Variants in TRIM16 observed in about 807,000 individuals in gnomAD.
TRIM16 encodes the protein tripartite motif containing 16, also known as tripartite motif-containing protein 16.
Under a neutral mutation model 50.4 loss-of-function variants are expected in TRIM16, and 33 were observed. The ratio of observed to expected loss-of-function variants is 0.65; its 90% CI spans 0.50 to 0.88. The LOEUF (loss-of-function observed/expected upper bound fraction) is 0.88, where lower values mean the gene tolerates loss of function less well. Ranked by LOEUF, TRIM16 falls within the 40% of genes least tolerant of loss-of-function variation. The probability of loss-of-function intolerance (pLI) is 0.00; values close to 1 mark genes in which losing one functional copy is unlikely to be tolerated. For missense variants in TRIM16, 581 were observed against 686.8 expected (o/e 0.85, Z 1.72); for synonymous variants, 229 against 270.7 (o/e 0.85, Z 1.51).
At chr17:15,632,422 C>T in intron 10 of TRIM16, 87 bp downstream of exon 10, 1 of 1,432,832 alleles carries the variant, frequency 7.0e-7, no homozygotes, top group East Asian at 2.4e-5. Flanking sequence ...CTGATTTCAT[C>T]CTCCCTTCCC....
In TRIM16 at chr17:15,628,731, A is replaced by T. The variant is rs752285994; in HGVS notation, c.1579T>A (p.Ser527Thr). 1 of 1,614,164 alleles carries T rather than the reference A, an allele frequency of 6.2e-7. No individual in the cohort carries two copies. The highest frequency in any genetic ancestry group is 8.5e-7 in the Non-Finnish European group (1 of 1,180,022). Residue 527 changes from serine to threonine, a missense_variant, in exon 12 of 12, where the codon TCA becomes ACA. Physicochemically the swap from Ser to Thr is moderately conservative, Grantham distance 58 (BLOSUM62 1). This residue lies in a region of TRIM16 where 115 missense variants were observed against 106.7 expected (regional missense o/e 1.08). Coordinates refer to ENST00000649191, the MANE Select transcript of TRIM16 (RefSeq NM_001348119.1). ...CAGAAGGCAGCATAGACTGGTTCTG[A>T]AAATTTGCAGGCAAACTTGTGAACC... ...TLVHKFACKF[S>T]EPVYAAFWLS...
chr17:15,681,800 C>A (rs1200900930), intron 3 of TRIM16, among the ~76,000 whole-genome samples: 27 of 152,244 alleles, frequency 1.8e-4, no homozygotes, highest in Non-Finnish European at 1.6e-4. Flanking sequence ...TTTATTATTT[C>A]TTCAATCCTC....
At chr17:15,663,278 G>A (rs985550297) in intron 6 of TRIM16, among the ~76,000 whole-genome samples, 2 of 152,210 alleles carry the variant, frequency 1.3e-5, no homozygotes, top group Admixed American at 6.5e-5. Flanking sequence ...ACTCAGGATC[G>A]CTTCATTCAT....
intron 6 of TRIM16, among the ~76,000 whole-genome samples, chr17:15,660,121 C>T (rs906286217): frequency 2.6e-5 from 4 of 152,292 alleles, no homozygotes; most frequent in Admixed American, 2.0e-4. Flanking sequence ...AAAACCATCC[C>T]CTCCACCCTT....
rs774931098 is a variant in TRIM16, at chr17:15,636,276, G to A, written c.616-7C>T. On this transcript the variant is annotated splice_region_variant and splice_polypyrimidine_tract_variant and intron_variant, in intron 8 of 11. Coordinates refer to ENST00000649191, the MANE Select transcript of TRIM16 (RefSeq NM_001348119.1). ...TGACCTCTGACACCGACACCTGGCA[G>A]GGGGTGGGGGTGGAAGGCAGCCAAA... The A allele has an allele frequency of 1.2e-5, 20 of 1,608,110 alleles. 1 individual carries two copies. The highest frequency in any genetic ancestry group is 1.7e-5 in the Non-Finnish European group (20 of 1,177,834).
At chr17:15,629,325 C>T in intron 11 of TRIM16, 127 bp from the exon 12 acceptor site, 2 of 622,262 alleles carry the variant, frequency 3.2e-6, no homozygotes, top group East Asian at 5.6e-5. Flanking sequence ...CTCTATTTAC[C>T]CAGGCTGCTG....
intron 6 of TRIM16, among the ~76,000 whole-genome samples, chr17:15,659,704 G>T (rs1445161772): frequency 1.3e-5 from 2 of 152,098 alleles, no homozygotes; most frequent in Non-Finnish European, 2.9e-5. Flanking sequence ...ATGTTCTCTT[G>T]CCCTGGGACA....
At chr17:15,670,225 T>C (rs1305835270) in intron 6 of TRIM16, among the ~76,000 whole-genome samples, 2 of 152,158 alleles carry the variant, frequency 1.3e-5, no homozygotes, top group African/African-American at 2.4e-5. Context: ...AAATCCCCAA[T>C]TGCCACAGGG....
Position 15,682,959 on chromosome 17 carries a change from G to A in TRIM16, c.-776-8C>T, listed in dbSNP as rs1228648143. 5.8e-6 allele frequency: 9 copies of A among 1,544,300 alleles called. No homozygotes were observed. The African/African-American group carries it at 8.3e-5, about 14-fold the overall frequency. ...ACACATTTTACAAGGTTGCTGTAAA[G>A]AAAAACTAAAATGAGGTTGTGTGTG... On this transcript the variant is annotated splice_region_variant and splice_polypyrimidine_tract_variant and intron_variant, in intron 2 of 11. Coordinates refer to ENST00000649191, the MANE Select transcript of TRIM16 (RefSeq NM_001348119.1).
At chr17:15,658,742 C>A (rs1988085837) in intron 6 of TRIM16, 1 of 931,918 alleles carries the variant, frequency 1.1e-6, no homozygotes, top group South Asian at 5.0e-5. Flanking sequence ...AGTCTGAGAA[C>A]CACTGAGCTG....
At chr17:15,653,165 AC>A (rs1363212660) in intron 6 of TRIM16, among the ~76,000 whole-genome samples, 2 of 151,994 alleles carry the variant, frequency 1.3e-5, no homozygotes, top group Admixed American at 6.6e-5. Context: ...AGAGCCTGGC[AC>A]CACCCCCTCT....
At chr17:15,638,258 T>TAAAAAAAAAAAAA (rs535590168) in intron 8 of TRIM16, among the ~76,000 whole-genome samples, 1 of 115,080 alleles carries the variant, frequency 8.7e-6, no homozygotes, top group African/African-American at 3.6e-5. Flanking sequence ...AAAATAAATT[T>TAAAAAAAAAAAAA]AAAAAAAAAA....
intron 6 of TRIM16, among the ~76,000 whole-genome samples, chr17:15,667,370 T>C (rs2151415565): frequency 6.6e-6 from 1 of 152,346 alleles, no homozygotes; most frequent in Admixed American, 6.5e-5. Context: ...GCCAGTTTCA[T>C]TTAAGAATGT....
At chr17:15,645,729 T>G (rs1987341748) in intron 7 of TRIM16, among the ~76,000 whole-genome samples, 1 of 152,222 alleles carries the variant, frequency 6.6e-6, no homozygotes, top group African/African-American at 2.4e-5. Context: ...GGGAAGCAGC[T>G]GCAGGCAGAG....
Position 15,667,313 on chromosome 17 carries a change from T to C in TRIM16, c.-338+9863A>G, listed in dbSNP as rs1470472403. ...TGGCACCAAACTGTGCTAGCAGTCA[T>C]TGTACTTTTCCACACACTCAAAAAT... is the stretch of plus-strand genomic sequence containing the variant. On this transcript the variant is annotated intron_variant, in intron 6 of 11. Transcript: ENST00000649191. 3.9e-5 allele frequency among the ~76,000 whole-genome samples: 6 copies of C among 152,326 alleles called. No homozygotes were observed. In the East Asian group the frequency reaches 1.2e-3, roughly 29 times the overall value.
intron 4 of TRIM16, among the ~76,000 whole-genome samples, chr17:15,678,035 G>A (rs1266834057): frequency 6.6e-6 from 1 of 152,106 alleles, no homozygotes; most frequent in African/African-American, 2.4e-5. Flanking sequence ...GGCTAACATG[G>A]TGAAACCCCA....
At chr17:15,684,058 G>C (rs987477432) in intron 1 of TRIM16, 138 bp downstream of exon 1, 6 of 152,354 alleles carry the variant, frequency 3.9e-5, no homozygotes, top group Non-Finnish European at 7.3e-5. Flanking sequence ...ACGCTCCAGG[G>C]GCAGAGGGGG....
chr17:15,635,045 T>C (rs1271316927), intron 9 of TRIM16, among the ~76,000 whole-genome samples: 1 of 148,916 alleles, frequency 6.7e-6, no homozygotes, highest in Non-Finnish European at 1.5e-5. Context: ...AAGTTAACTA[T>C]GTTGTACTTG....
chr17:15,679,513 A>G (rs1989089069), intron 4 of TRIM16, among the ~76,000 whole-genome samples: 1 of 152,238 alleles, frequency 6.6e-6, no homozygotes, highest in Non-Finnish European at 1.5e-5. Context: ...AACTAAACAA[A>G]GTGATTTAGC....
Sources: allele counts gnomAD v4.1 joint callset (sites outside exome capture counted in the v4.1 genomes callset), GRCh38; gene constraint gnomAD v4.1.1; regional missense constraint gnomAD v4.1.1; transcripts MANE v1.5; gene names NCBI Gene and HGNC (gene_info 2026-07-23, HGNC 2026-07-21).